RAB11FIP5: variants seen among roughly 807,000 people sequenced by gnomAD.
The protein encoded by RAB11FIP5 is rab11 family-interacting protein 5.
In RAB11FIP5, 48 loss-of-function variants were observed where a neutral mutation model predicts 85.1. That is an observed-to-expected ratio of 0.56 (90% CI 0.45 to 0.72). The LOEUF (loss-of-function observed/expected upper bound fraction) is 0.72. Among genes scored for constraint, RAB11FIP5 ranks in the 30% least tolerant of loss-of-function variants. The pLI, the probability that RAB11FIP5 is intolerant of heterozygous loss-of-function variation, is 0.00. For synonymous variants in RAB11FIP5, 729 were observed against 727.3 expected (o/e 1.00, Z -0.04); for missense variants, 1,491 against 1,687.0 (o/e 0.88, Z 2.04).
intron 1 of RAB11FIP5, among the ~76,000 whole-genome samples, chr2:73,096,594 T>C (rs577031475): frequency 1.4e-4 from 21 of 152,282 alleles, no homozygotes; most frequent in African/African-American, 5.1e-4. Flanking sequence ...CCTCACTCCC[T>C]ACATCTAAAC....
In RAB11FIP5 at chr2:73,110,691, G is replaced by T. The variant is rs553337119; in HGVS notation, c.431+1656C>A. Among the ~76,000 whole-genome samples, 251 of 152,286 alleles carry T rather than the reference G, an allele frequency of 1.6e-3. 2 individuals are homozygous for T. The highest frequency in any genetic ancestry group is 2.3e-3 in the Non-Finnish European group (154 of 68,022). On this transcript the variant is annotated intron_variant, in intron 1 of 5. Coordinates refer to ENST00000486777, the MANE Select transcript of RAB11FIP5 (RefSeq NM_001371272.1). ...TACAAGCTTGGCCAGCTCAGCTAAGGAAGATCCAGAGGCCAAGAGGAAAGC... is the reference window on the plus strand; with the variant it reads ...TACAAGCTTGGCCAGCTCAGCTAAGTAAGATCCAGAGGCCAAGAGGAAAGC...
In RAB11FIP5 at chr2:73,099,439, G is replaced by A. The variant is rs181291229; in HGVS notation, c.432-10124C>T. 2.8e-4 allele frequency among the ~76,000 whole-genome samples: 43 copies of A among 152,290 alleles called. 1 individual carries two copies. The highest frequency in any genetic ancestry group is 9.6e-4 in the African/African-American group (40 of 41,572). ...CTGAGAAAACCTGCTTTAGAGTGGG[G>A]AGGGAGCAAACTCAGCAGAAGGCCA... On this transcript the variant is annotated intron_variant, in intron 1 of 5. Coordinates refer to ENST00000486777, the MANE Select transcript of RAB11FIP5 (RefSeq NM_001371272.1).
intron 3 of RAB11FIP5, among the ~76,000 whole-genome samples, chr2:73,085,037 G>A (rs1684066681): frequency 6.6e-6 from 1 of 152,188 alleles, no homozygotes; most frequent in Admixed American, 6.5e-5. Context: ...TTCCAAACCA[G>A]AACACTGTTA....
rs1187367722 is a variant in RAB11FIP5, at chr2:73,112,819, A to G, written c.-42T>C. 1.3e-5 allele frequency: 17 copies of G among 1,353,088 alleles called. No homozygotes were observed. In the East Asian group the frequency reaches 4.2e-4, roughly 34 times the overall value. 83.8% of individuals were successfully genotyped at this position (1,353,088 alleles called of 1,614,324 possible). A position where few individuals can be genotyped will look rare whatever the true frequency, so the allele number is the denominator to read the frequency against. ...GCGAGGTCTGGCCGAGCCGGTGCAG[A>G]CCCCAGGACCTGGTGACAAACCCGG... is the stretch of plus-strand genomic sequence containing the variant. On this transcript the variant is annotated 5_prime_UTR_variant, in exon 1 of 6. Transcript: ENST00000486777.
rs555309338 is a variant in RAB11FIP5, at chr2:73,091,441, C to T, written c.432-2126G>A. ...GGCTCAAAGTCCCTTGGTGACTGCA[C>T]AGCACACACACACATACACACACAC... is the stretch of plus-strand genomic sequence containing the variant. On this transcript the variant is annotated intron_variant, in intron 1 of 5. Transcript: ENST00000486777. Among the ~76,000 whole-genome samples the T allele has an allele frequency of 3.0e-4, 46 of 152,148 alleles. No individual in the cohort carries two copies. The South Asian group carries it at 3.1e-3, about 10-fold the overall frequency.
In RAB11FIP5 at chr2:73,075,707, G is replaced by C. The variant is rs751917112; in HGVS notation, c.3789C>G (p.Asp1263Glu). 1 of 1,608,330 alleles carries C rather than the reference G, an allele frequency of 6.2e-7. No homozygotes were observed. Among genetic ancestry groups the C allele is most frequent in the Non-Finnish European group, 8.5e-7 (1 of 1,177,072 alleles). The part of the protein sequence containing the change: ...TKRLKDSAVL[D>E]QSAKYYHLTH... ...TCAGGTGGTAGTACTTGGCCGACTG[G>C]TCCAGCACAGCTGAGTCCTGAGGCC... is the stretch of plus-strand genomic sequence containing the variant. The change falls in exon 6 of 6, where the codon GAC becomes GAG. Residue 1263 changes from aspartate (D) to glutamate (E), a missense_variant. This residue lies in a region of RAB11FIP5 where 232 missense variants were observed against 259.1 expected (regional missense o/e 0.90). Coordinates refer to ENST00000486777, the MANE Select transcript of RAB11FIP5 (RefSeq NM_001371272.1). This position sits in a 1 kb window ranked among gnomAD's most constrained non-coding sequence, Gnocchi z 4.6.
rs952431992 is a variant in RAB11FIP5, at chr2:73,075,796, G to A, written c.3772-72C>T. ...TGCCTGCCTGCCCGCTTGCCCGCCC[G>A]CCCGCCTGCCCACCAACACCTAAGT... On this transcript the variant is annotated intron_variant, in intron 5 of 5. Coordinates refer to ENST00000486777, the MANE Select transcript of RAB11FIP5 (RefSeq NM_001371272.1). The surrounding 1 kb of genome is among the most constrained non-coding windows in gnomAD (Gnocchi z 4.6). 18 of 1,492,952 alleles carry A rather than the reference G, an allele frequency of 1.2e-5. No individual in the cohort carries two copies. The highest frequency in any genetic ancestry group is 2.4e-4 in the Middle Eastern group (1 of 4,210). 92.5% of individuals were successfully genotyped at this position (1,492,952 alleles called of 1,614,324 possible).
chr2:73,109,093 C>A (rs186682591), intron 1 of RAB11FIP5, among the ~76,000 whole-genome samples: 1 of 152,082 alleles, frequency 6.6e-6, no homozygotes, highest in Admixed American at 6.5e-5. Context: ...GAAAATAAAT[C>A]GCAGAGAAGC....
chr2:73,080,898 C>T lies in RAB11FIP5; in HGVS notation c.2334G>A (p.Gly778=). Residue 778 remains glycine (G), a synonymous_variant, in exon 4 of 6, where the codon GGG becomes GGA. Transcript: ENST00000486777. ...ATGTCCCACTGTCTGCCGGACTCTGCCCTGCTTCCACTTCCGGGGCTGGCA... is the reference window on the plus strand; with the variant it reads ...ATGTCCCACTGTCTGCCGGACTCTGTCCTGCTTCCACTTCCGGGGCTGGCA... ...RELPAPEVEA[G]QSPADSGTSL... is the part of the protein sequence containing the mutation. 2.4e-6 allele frequency: 3 copies of T among 1,232,666 alleles called. No individual in the cohort carries two copies. Among genetic ancestry groups the T allele is most frequent in the Non-Finnish European group, 3.0e-6 (3 of 988,366 alleles). The allele number at this position is 1,232,666 out of a possible 1,614,324, so 76.4% of individuals were successfully genotyped here. A position where few individuals can be genotyped will look rare whatever the true frequency, so the allele number is the denominator to read the frequency against.
Position 73,076,148 on chromosome 2 carries a change from C to T in RAB11FIP5, c.3616G>A (p.Val1206Met). ...TGCTTCCTGTCGGGGCTGCCCTCCA[C>T]AGGGGCGGCACTGAGGGGCTTCACG... The part of the protein sequence containing the change: ...HPVKPLSAAP[V>M]EGSPDRKQSR... The change falls in exon 5 of 6, where the codon GTG becomes ATG. Residue 1206 changes from valine to methionine, a missense_variant. Physicochemically the swap from Val to Met is conservative, Grantham distance 21. Transcript: ENST00000486777. 1 of 1,613,372 alleles carries T rather than the reference C, an allele frequency of 6.2e-7. No individual in the cohort carries two copies. The highest frequency in any genetic ancestry group is 8.5e-7 in the Non-Finnish European group (1 of 1,179,396).
At chr2:73,090,902 C>G (rs1020282552) in intron 1 of RAB11FIP5, among the ~76,000 whole-genome samples, 3 of 152,150 alleles carry the variant, frequency 2.0e-5, no homozygotes, top group African/African-American at 7.2e-5. Flanking sequence ...TTAACAATGA[C>G]GTGTTGATAT....
chr2:73,097,735 G>A (rs902779824), intron 1 of RAB11FIP5, among the ~76,000 whole-genome samples: 1 of 152,204 alleles, frequency 6.6e-6, no homozygotes, highest in Non-Finnish European at 1.5e-5. Flanking sequence ...GGCTTAAAGG[G>A]AGGTTTCCAG....
At chr2:73,096,222 G>A (rs1380030430) in intron 1 of RAB11FIP5, among the ~76,000 whole-genome samples, 1 of 152,220 alleles carries the variant, frequency 6.6e-6, no homozygotes, top group East Asian at 1.9e-4. Context: ...TACAGCCCTA[G>A]TTACTCCTGC....
At chr2:73,093,890 G>A (rs1340343519) in intron 1 of RAB11FIP5, among the ~76,000 whole-genome samples, 1 of 152,180 alleles carries the variant, frequency 6.6e-6, no homozygotes, top group Non-Finnish European at 1.5e-5. Context: ...GGAGGCCAAG[G>A]CGGGCAGATC....
rs1175434488 is a variant in RAB11FIP5 at position 73,081,505 on chromosome 2, G to A, written c.1727C>T (p.Ala576Val). The A allele has an allele frequency of 1.9e-5, 24 of 1,232,742 alleles. No individual in the cohort carries two copies. The highest frequency in any genetic ancestry group is 4.1e-5 in the South Asian group (1 of 24,668). The allele number at this position is 1,232,742 out of a possible 1,614,324, so 76.4% of individuals were successfully genotyped here. A position where few individuals can be genotyped will look rare whatever the true frequency, so the allele number is the denominator to read the frequency against. The change falls in exon 4 of 6, where the codon GCT becomes GTT. Residue 576 changes from alanine (A) to valine (V), a missense_variant. This residue lies in a region of RAB11FIP5 where 1,211 missense variants were observed against 1,338.0 expected (regional missense o/e 0.91). Coordinates refer to ENST00000486777, the MANE Select transcript of RAB11FIP5 (RefSeq NM_001371272.1). The surrounding 1 kb of genome is among the most constrained non-coding windows in gnomAD (Gnocchi z 4.2). ...FAAASPAAATAAAAATTAAPE... is the reference protein window; with the variant it reads ...FAAASPAAATVAAAATTAAPE... ...GGCGGCGGTGGTGGCGGCAGCGGCA[G>A]CAGTGGCAGCAGCGGGGGAGGCGGC...
chr2:73,110,467 C>T (rs1049810834), intron 1 of RAB11FIP5, among the ~76,000 whole-genome samples: 1 of 144,270 alleles, frequency 6.9e-6, no homozygotes, highest in Non-Finnish European at 1.5e-5. Flanking sequence ...AAGTGACCCT[C>T]CCCACTCCTG....
At chr2:73,085,119 TCCAA>T in intron 3 of RAB11FIP5, among the ~76,000 whole-genome samples, 1 of 152,190 alleles carries the variant, frequency 6.6e-6, no homozygotes, top group South Asian at 2.1e-4. Flanking sequence ...CTGCACTAAC[TCCAA>T]GCCACTGGGA....
At chr2:73,105,061 G>A (rs1266462331) in intron 1 of RAB11FIP5, among the ~76,000 whole-genome samples, 3 of 152,184 alleles carry the variant, frequency 2.0e-5, no homozygotes, top group African/African-American at 7.2e-5. Flanking sequence ...GCAGGAGGAA[G>A]AACAGGATGG....
In RAB11FIP5 at chr2:73,112,589, C is replaced by A. The variant is rs775604455; in HGVS notation, c.189G>T (p.Thr63=). 1.3e-6 allele frequency: 2 copies of A among 1,598,222 alleles called. No homozygotes were observed. Among genetic ancestry groups the A allele is most frequent in the South Asian group, 2.3e-5 (2 of 88,534 alleles). The change falls in exon 1 of 6, where the codon ACG becomes ACT. Residue 63 remains threonine, a synonymous_variant. Coordinates refer to ENST00000486777, the MANE Select transcript of RAB11FIP5 (RefSeq NM_001371272.1). ...EKYSTSVVEK[T]HGCPEWREEC... ...CCTCACGCCACTCGGGGCAGCCGTG[C>A]GTCTTCTCCACCACCGACGTACTGT...
Sources: allele counts gnomAD v4.1 joint callset (sites outside exome capture counted in the v4.1 genomes callset), GRCh38; gene constraint gnomAD v4.1.1; regional missense constraint gnomAD v4.1.1; non-coding constraint Gnocchi (gnomAD v3.1); transcripts MANE v1.5; gene names NCBI Gene and HGNC (gene_info 2026-07-23, HGNC 2026-07-21).